Variants in TET2 observed in about 807,000 individuals in gnomAD.
The protein encoded by TET2 is tet methylcytosine dioxygenase 2.
In TET2, 299 loss-of-function variants were observed where a neutral mutation model predicts 142.9. The ratio of observed to expected loss-of-function variants is 2.09; its 90% CI spans 1.90 to 2.30. TET2 has a LOEUF of 2.30. Among genes scored for constraint, TET2 ranks in the 30% most tolerant of loss-of-function variants. TET2 has a pLI of 0.00. For missense variants in TET2, 2,418 were observed against 2,378.0 expected, an observed-to-expected ratio of 1.02 and a Z score of -0.35; for synonymous variants, 819 against 849.0, an observed-to-expected ratio of 0.96 and a Z score of 0.61.
chr4:105,207,480 AGGAGGAGGGAGT>A (rs1726897249), intron 2 of TET2, among the ~76,000 whole-genome samples: 1 of 152,108 alleles, frequency 6.6e-6, no homozygotes, highest in Non-Finnish European at 1.5e-5. Flanking sequence ...TGAAGGAGAA[AGGAGGAGGGAGT>A]TTTAAAAGAC....
At position 105,209,049 on chromosome 4, in the gene TET2, G is replaced by GTATATATATATATA. The variant is rs36045001; in HGVS notation, c.-47+18580_-47+18593dup. 5.9e-4 allele frequency among the ~76,000 whole-genome samples: 26 copies of GTATATATATATATA among 44,350 alleles called. 3 individuals carry two copies. The highest frequency in any genetic ancestry group is 1.5e-3 in the Non-Finnish European group (18 of 12,138). 29.1% of individuals were successfully genotyped at this position (44,350 alleles called of 152,430 possible). A position where few individuals can be genotyped will look rare whatever the true frequency, so the allele number is the denominator to read the frequency against. ...AATGAAATAGATGCCTCAAGGCATG[G>GTATATATATATATA]TATATATATATATATATATATATAT... On this transcript the variant is annotated intron_variant, in intron 2 of 10. Coordinates refer to ENST00000380013, the MANE Select transcript of TET2 (RefSeq NM_001127208.3).
At chr4:105,151,285 C>T (rs925802797) in intron 1 of TET2, among the ~76,000 whole-genome samples, 4 of 152,092 alleles carry the variant, frequency 2.6e-5, no homozygotes, top group South Asian at 2.1e-4. Context: ...CACACCACTG[C>T]GCTCCAGCCC....
rs1728873740 is a variant in TET2 at position 105,236,105 on chromosome 4, TA to T, written c.2165del (p.Lys722SerfsTer29). On this transcript the variant is annotated frameshift_variant, in exon 3 of 11. Coordinates refer to ENST00000380013, the MANE Select transcript of TET2 (RefSeq NM_001127208.3). LOFTEE classifies it high-confidence loss of function. ...PFSNSHLLQHKPHKQAAQTQP... is the reference protein window; with the variant it reads ...PFSNSHLLQHXPHKQAAQTQP... ...TTTCAAACTCACACCTTTTGCAACA[TA>T]AGCCTCATAAACAGGCAGCACAAAC... The T allele has an allele frequency of 6.2e-7, 1 of 1,614,022 alleles. No individual in the cohort carries two copies.
chr4:105,157,514 C>A (rs1235358721), intron 1 of TET2, among the ~76,000 whole-genome samples: 4 of 151,992 alleles, frequency 2.6e-5, no homozygotes, highest in Non-Finnish European at 5.9e-5. Flanking sequence ...AGTTGTCTGC[C>A]ACATTACGCT....
At chr4:105,195,811 C>T (rs898573826) in intron 2 of TET2, among the ~76,000 whole-genome samples, 1 of 152,088 alleles carries the variant, frequency 6.6e-6, no homozygotes, top group Admixed American at 6.5e-5. Context: ...TGTCTATGTG[C>T]GTAGCAATTT....
chr4:105,206,245 C>T (rs1310635225), intron 2 of TET2, among the ~76,000 whole-genome samples: 1 of 152,204 alleles, frequency 6.6e-6, no homozygotes, highest in Non-Finnish European at 1.5e-5. Flanking sequence ...TTCCTTTCCC[C>T]AGCTTCGCTG....
intron 2 of TET2, among the ~76,000 whole-genome samples, chr4:105,229,752 C>T (rs1728395922): frequency 6.6e-6 from 1 of 150,528 alleles, no homozygotes; most frequent in Non-Finnish European, 1.5e-5. Context: ...ATGGCCAGTT[C>T]ATTATATATT....
chr4:105,272,498 C>G, intron 9 of TET2, 66 bp from the exon 10 acceptor site: 14 of 715,630 alleles, frequency 2.0e-5, no homozygotes, highest in Non-Finnish European at 4.1e-6. Flanking sequence ...GAGAAAGATA[C>G]ACACACACAC....
At chr4:105,148,317 GA>G (rs1316558480) in intron 1 of TET2, among the ~76,000 whole-genome samples, 7 of 152,104 alleles carry the variant, frequency 4.6e-5, no homozygotes, top group Admixed American at 1.3e-4. Flanking sequence ...TAAGAATTGA[GA>G]AAAGGCTTAT....
chr4:105,169,528 T>A (rs938308619), intron 1 of TET2, among the ~76,000 whole-genome samples: 12 of 152,170 alleles, frequency 7.9e-5, no homozygotes, highest in Non-Finnish European at 1.5e-4. Flanking sequence ...ACTCTGTGGG[T>A]TGTCTGTTTA....
At chr4:105,264,188 G>A (rs1194692445) in intron 8 of TET2, among the ~76,000 whole-genome samples, 1 of 151,090 alleles carries the variant, frequency 6.6e-6, no homozygotes, top group Non-Finnish European at 1.5e-5. Flanking sequence ...TATGTTTTTA[G>A]AAATGTGTAT....
chr4:105,249,709 G>A (rs1320455203), intron 6 of TET2, among the ~76,000 whole-genome samples: 1 of 152,106 alleles, frequency 6.6e-6, no homozygotes, highest in Admixed American at 6.5e-5. Context: ...ATCTTTTCAC[G>A]TGTGTATTGA....
At chr4:105,223,751 G>A (rs1217246520) in intron 2 of TET2, among the ~76,000 whole-genome samples, 1 of 152,082 alleles carries the variant, frequency 6.6e-6, no homozygotes, top group Non-Finnish European at 1.5e-5. Context: ...TTTACTCAGT[G>A]TTTTTCATGT....
intron 2 of TET2, among the ~76,000 whole-genome samples, chr4:105,208,589 T>G (rs1560753548): frequency 6.6e-6 from 1 of 152,134 alleles, no homozygotes; most frequent in Non-Finnish European, 1.5e-5. Flanking sequence ...TTTAATCAGT[T>G]TATACTTCTT....
Position 105,237,326 on chromosome 4 carries a change from TG to T in TET2, c.3385del (p.Asp1129IlefsTer8). The T allele has an allele frequency of 6.2e-7, 1 of 1,614,160 alleles. No individual in the cohort carries two copies. Among genetic ancestry groups the T allele is most frequent in the Non-Finnish European group, 8.5e-7 (1 of 1,179,988 alleles). On this transcript the variant is annotated frameshift_variant, in exon 3 of 11. Coordinates refer to ENST00000380013, the MANE Select transcript of TET2 (RefSeq NM_001127208.3). LOFTEE classifies it high-confidence loss of function. ...TGGATACACCTGTCAAGACTCAATA[TG>T]ATTTCCCATCTTGCAGATGTGTAGG... ...LLDTPVKTQY[D>X]FPSCRCVEQI... is the part of the protein sequence containing the mutation.
In TET2 at chr4:105,156,888, T is replaced by G. The variant is rs149333242; in HGVS notation, c.-193+9909T>G. Among the ~76,000 whole-genome samples the G allele has an allele frequency of 1.5e-3, 232 of 152,068 alleles. No homozygotes were observed. In the East Asian group the frequency reaches 0.017, roughly 11 times the overall value. On this transcript the variant is annotated intron_variant, in intron 1 of 10. Transcript: ENST00000380013. ...GTCTTATTAATTTTTTTAACCTGTTTGTTCTTTTAGCACTTTTCCTGCTTT... is the reference window on the plus strand; with the variant it reads ...GTCTTATTAATTTTTTTAACCTGTTGGTTCTTTTAGCACTTTTCCTGCTTT...
chr4:105,275,197 TC>T lies in TET2; in HGVS notation c.4688del (p.Ser1563LeufsTer8). The T allele has an allele frequency of 6.4e-7, 1 of 1,552,314 alleles. No individual in the cohort carries two copies. Among genetic ancestry groups the T allele is most frequent in the Non-Finnish European group, 8.7e-7 (1 of 1,147,124 alleles). On this transcript the variant is annotated frameshift_variant, in exon 11 of 11. Coordinates refer to ENST00000380013, the MANE Select transcript of TET2 (RefSeq NM_001127208.3). LOFTEE classifies it low-confidence loss of function (END_TRUNC). The part of the protein sequence containing the change: ...QTESVNSYSA[S>X]GSTNPYMRRP... ...AGAGTCTGTCAACTCTTATTCTGCT[TC>T]TGGATCCACCAATCCATACATGAGA...
chr4:105,234,437 T>G lies in TET2; in HGVS notation c.495T>G (p.Ser165Arg). Reference sequence around the variant, plus strand: ...AAAATGCAGTTAAAGATTTCACCAGTTTTTCAACACATAACTGCAGTGGGC... The same window carrying G: ...AAAATGCAGTTAAAGATTTCACCAGGTTTTCAACACATAACTGCAGTGGGC... ...AQENAVKDFTSFSTHNCSGPE... is the reference protein window; with the variant it reads ...AQENAVKDFTRFSTHNCSGPE... Residue 165 changes from serine (S) to arginine (R), a missense_variant, in exon 3 of 11, where the codon AGT becomes AGG. By Grantham distance (110) the Ser-to-Arg change is moderately radical (BLOSUM62 -1). Coordinates refer to ENST00000380013, the MANE Select transcript of TET2 (RefSeq NM_001127208.3). 6.2e-7 allele frequency: 1 copy of G among 1,613,948 alleles called. No homozygotes were observed. Among genetic ancestry groups the G allele is most frequent in the Non-Finnish European group, 8.5e-7 (1 of 1,179,996 alleles).
At chr4:105,242,430 G>C (rs1186097032) in intron 4 of TET2, 19 of 1,087,494 alleles carry the variant, frequency 1.7e-5, no homozygotes, top group South Asian at 8.8e-5. Flanking sequence ...ATTCTTGGAG[G>C]AACAGTTCTA....
Sources: gnomAD v4.1 joint callset for allele counts (sites outside exome capture counted in the v4.1 genomes callset) on GRCh38, gnomAD v4.1.1 for gene constraint, MANE v1.5 for transcripts, NCBI Gene and HGNC (gene_info 2026-07-23, HGNC 2026-07-21) for gene names.